Variants in DLG2 observed in about 807,000 individuals in gnomAD.
DLG2 encodes discs large MAGUK scaffold protein 2, also known as disks large homolog 2.
In DLG2, 45 loss-of-function variants were observed where a neutral mutation model predicts 132.5. That is an observed-to-expected ratio of 0.34 (90% CI 0.27 to 0.44). The LOEUF is 0.44. Among genes scored for constraint, DLG2 ranks in the 20% least tolerant of loss-of-function variants. DLG2 has a pLI of 1.00. For missense variants in DLG2, 1,045 were observed against 1,196.9 expected (o/e 0.87, Z 1.87); for synonymous variants, 424 against 419.6 (o/e 1.01, Z -0.13).
rs575359574 is a variant in DLG2 at position 85,251,462 on chromosome 11, CTG to C, written c.186+33756_186+33757del. Among the ~76,000 whole-genome samples, 835 of 152,206 alleles carry C rather than the reference CTG, an allele frequency of 5.5e-3. 3 individuals are homozygous for C. Among genetic ancestry groups the C allele is most frequent in the Non-Finnish European group, 8.3e-3 (564 of 68,002 alleles). ...ACAGATCTGTCACAATTACAATAAA[CTG>C]TAAGTATGTCTCTAATAATGCATAC... On this transcript the variant is annotated intron_variant, in intron 4 of 27. Transcript: ENST00000376104.
At chr11:85,297,271 T>A (rs1005119880) in intron 3 of DLG2, among the ~76,000 whole-genome samples, 1 of 152,182 alleles carries the variant, frequency 6.6e-6, no homozygotes, top group Non-Finnish European at 1.5e-5. Context: ...AAATAAAGTA[T>A]ACTGCCTTTT....
intron 9 of DLG2, among the ~76,000 whole-genome samples, chr11:84,159,350 C>G (rs1454019): frequency 0.86 from 131,423 of 152,186 alleles, 57,018 homozygotes; most frequent in Middle Eastern, 0.93. Context: ...GATGGAAATG[C>G]TACTAATTTA....
intron 20 of DLG2, among the ~76,000 whole-genome samples, chr11:83,540,572 C>T (rs988198498): frequency 3.9e-5 from 6 of 152,072 alleles, no homozygotes; most frequent in South Asian, 2.1e-4. Flanking sequence ...CCAGGCTGTG[C>T]GACCACAGGC....
intron 6 of DLG2, among the ~76,000 whole-genome samples, chr11:84,667,497 T>TG (rs2099700997): frequency 2.8e-5 from 1 of 35,262 alleles, no homozygotes; most frequent in African/African-American, 1.4e-4. Context: ...TTTTGTTTTT[T>TG]GTTTTTTTTT....
chr11:83,648,215 T>C (rs1013198124), intron 18 of DLG2, among the ~76,000 whole-genome samples: 1 of 152,166 alleles, frequency 6.6e-6, no homozygotes, highest in Non-Finnish European at 1.5e-5. Flanking sequence ...AACAAAGAAC[T>C]GTGTTGGTAC....
rs181485959 is a variant in DLG2 at position 84,753,747 on chromosome 11, G to C, written c.358-219016C>G. On this transcript the variant is annotated intron_variant, in intron 6 of 27. Transcript: ENST00000376104. Reference sequence around the variant, plus strand: ...GGAATGGGCTTGATGGAGTGAAGGAGCATCACTAGAAGGCTAAGCCTTGGT... The same window carrying C: ...GGAATGGGCTTGATGGAGTGAAGGACCATCACTAGAAGGCTAAGCCTTGGT... Among the ~76,000 whole-genome samples the C allele has an allele frequency of 1.8e-4, 28 of 152,294 alleles. No homozygotes were observed. In the East Asian group the frequency reaches 5.0e-3, roughly 27 times the overall value.
chr11:84,177,657 T>A (rs563858635), intron 8 of DLG2, among the ~76,000 whole-genome samples: 3 of 152,292 alleles, frequency 2.0e-5, no homozygotes, highest in African/African-American at 7.2e-5. Flanking sequence ...TCTAGAGACA[T>A]TTCCTAAGTT....
chr11:84,098,772 A>C, intron 10 of DLG2, 151 bp downstream of exon 10: 1 of 887,274 alleles, frequency 1.1e-6, no homozygotes. Flanking sequence ...TCAGTAGCAA[A>C]AGATCTGCAA....
intron 3 of DLG2, among the ~76,000 whole-genome samples, chr11:85,585,870 TGC>T (rs2078933247): frequency 6.6e-6 from 1 of 152,056 alleles, no homozygotes; most frequent in African/African-American, 2.4e-5. Context: ...TGCACCACAA[TGC>T]CCGGCTAATT....
chr11:84,183,650 T>G (rs2096201950), intron 8 of DLG2, among the ~76,000 whole-genome samples: 1 of 152,162 alleles, frequency 6.6e-6, no homozygotes, highest in African/African-American at 2.4e-5. Context: ...TATGTATACA[T>G]GTGCCATGTT....
At chr11:85,557,220 C>A (rs57150231) in intron 3 of DLG2, among the ~76,000 whole-genome samples, 3,455 of 151,716 alleles carry the variant, frequency 0.023, 151 homozygotes, top group African/African-American at 0.079. Context: ...ACTACACATA[C>A]ATAAAATACC....
intron 6 of DLG2, among the ~76,000 whole-genome samples, chr11:84,699,766 C>A (rs1463749173): frequency 2.0e-5 from 3 of 151,492 alleles, no homozygotes; most frequent in African/African-American, 7.3e-5. Flanking sequence ...CTCTTTTCTA[C>A]CTCTTTTTGC....
intron 17 of DLG2, among the ~76,000 whole-genome samples, chr11:83,824,350 T>G (rs181060844): frequency 2.6e-5 from 4 of 152,058 alleles, no homozygotes; most frequent in African/African-American, 7.3e-5. Flanking sequence ...AATAATCTAT[T>G]TATTTGTCTG....
At chr11:84,865,634 T>C (rs2084434023) in intron 6 of DLG2, among the ~76,000 whole-genome samples, 1 of 152,198 alleles carries the variant, frequency 6.6e-6, no homozygotes, top group South Asian at 2.1e-4. Context: ...TTTAAATTAA[T>C]TTTAAGTTAG....
intron 7 of DLG2, among the ~76,000 whole-genome samples, chr11:84,487,153 A>C (rs760963493): frequency 6.6e-6 from 1 of 152,144 alleles, no homozygotes; most frequent in Non-Finnish European, 1.5e-5. Context: ...AGAATGATTA[A>C]TCAACAATTA....
At chr11:85,509,127 CA>C (rs965438896) in intron 3 of DLG2, among the ~76,000 whole-genome samples, 8 of 151,984 alleles carry the variant, frequency 5.3e-5, no homozygotes, top group Admixed American at 5.3e-4. Flanking sequence ...GAAAATTTCG[CA>C]GTGAGTTTTA....
chr11:84,639,230 G>A (rs186282722), intron 6 of DLG2, among the ~76,000 whole-genome samples: 3 of 151,494 alleles, frequency 2.0e-5, no homozygotes, highest in South Asian at 2.1e-4. Flanking sequence ...TAATCTGAGT[G>A]TTATTTTTTG....
chr11:84,467,320 G>A (rs958632202), intron 7 of DLG2, among the ~76,000 whole-genome samples: 1 of 151,294 alleles, frequency 6.6e-6, no homozygotes, highest in Non-Finnish European at 1.5e-5. Context: ...TCTAAAAGTT[G>A]CTAGTTAAGA....
At chr11:84,715,941 T>G (rs1234447242) in intron 6 of DLG2, among the ~76,000 whole-genome samples, 1 of 152,122 alleles carries the variant, frequency 6.6e-6, no homozygotes, top group East Asian at 1.9e-4. Context: ...AGGGGATTGC[T>G]AGGTTATATG....
Sources: gnomAD v4.1 joint callset for allele counts (sites outside exome capture counted in the v4.1 genomes callset) on GRCh38, gnomAD v4.1.1 for gene constraint, MANE v1.5 for transcripts, NCBI Gene and HGNC (gene_info 2026-07-23, HGNC 2026-07-21) for gene names.